The following FAM81A variants were observed in gnomAD, a reference collection of about 807,000 sequenced individuals.
The protein encoded by FAM81A is protein FAM81A.
A neutral mutation model predicts 46.7 loss-of-function variants in FAM81A; 19 were observed. That is an observed-to-expected ratio of 0.41 (90% confidence interval 0.28 to 0.60). FAM81A has a LOEUF of 0.60. Among genes scored for constraint, FAM81A ranks in the 20% least tolerant of loss-of-function variants. The pLI is 0.34. For synonymous variants in FAM81A, 183 were observed against 152.9 expected (o/e 1.20, Z -1.45); for missense variants, 377 against 453.5 (o/e 0.83, Z 1.53).
intron 3 of FAM81A, among the ~76,000 whole-genome samples, chr15:59,487,420 G>C (rs2081931059): frequency 6.6e-6 from 1 of 151,182 alleles, no homozygotes; most frequent in Non-Finnish European, 1.5e-5. Context: ...ATGAAGATCA[G>C]AGCAGACATA....
At chr15:59,476,630 A>T (rs1215321594) in intron 3 of FAM81A, among the ~76,000 whole-genome samples, 1 of 151,722 alleles carries the variant, frequency 6.6e-6, no homozygotes, top group Non-Finnish European at 1.5e-5. Flanking sequence ...TCCTAAAAAT[A>T]TATATAAAAA....
Position 59,508,977 on chromosome 15 carries a change from A to G in FAM81A, c.650+8A>G, listed in dbSNP as rs976992123. The G allele has an allele frequency of 1.9e-6, 3 of 1,596,150 alleles. No homozygotes were observed. Among genetic ancestry groups the G allele is most frequent in the Admixed American group, 1.8e-5 (1 of 56,348 alleles). On this transcript the variant is annotated splice_region_variant and intron_variant, in intron 6 of 8. Transcript: ENST00000288228. ...TCAGCTTTTGGACACTAAGTAAGCA[A>G]TCAATTTATTAAAAAAATAAAACTT...
chr15:59,482,907 A>C (rs894132366), intron 3 of FAM81A, among the ~76,000 whole-genome samples: 1 of 152,012 alleles, frequency 6.6e-6, no homozygotes, highest in East Asian at 1.9e-4. Context: ...GAATGTATTC[A>C]TATGACTCAC....
At chr15:59,422,579 C>A (rs2081178804) in intron 2 of FAM81A, among the ~76,000 whole-genome samples, 2 of 152,036 alleles carry the variant, frequency 1.3e-5, no homozygotes, top group African/African-American at 2.4e-5. Context: ...CGGGTTCATG[C>A]CATTCTCCTG....
At chr15:59,435,970 G>A (rs2081241263), upstream of FAM81A, among the ~76,000 whole-genome samples, 1 of 152,116 alleles carries the variant, frequency 6.6e-6, no homozygotes, top group Non-Finnish European at 1.5e-5. Context: ...TGTCCCCTTG[G>A]GATTCAAAAC....
chr15:59,443,543 T>C (rs1303357015), intron 1 of FAM81A, among the ~76,000 whole-genome samples: 4 of 152,194 alleles, frequency 2.6e-5, no homozygotes, highest in Admixed American at 6.5e-5. Flanking sequence ...AGGTCAGTTA[T>C]GTAGTAGAAT....
At position 59,454,994 on chromosome 15, in the gene FAM81A, C is replaced by T. The variant is rs139722826; in HGVS notation, c.-77-3556C>T. ...TTTTGCCATGTTGCCCAGGCTGGTCCCAAACTCCTGGGCTCACCTTAGCCT... is the reference window on the plus strand; with the variant it reads ...TTTTGCCATGTTGCCCAGGCTGGTCTCAAACTCCTGGGCTCACCTTAGCCT... On this transcript the variant is annotated intron_variant, in intron 1 of 8. Transcript: ENST00000288228. Among the ~76,000 whole-genome samples, 1,336 of 150,268 alleles carry T rather than the reference C, an allele frequency of 8.9e-3. 9 individuals are homozygous for T. The highest frequency in any genetic ancestry group is 0.025 in the Middle Eastern group (7 of 284).
At chr15:59,504,056 G>A (rs1176338387) in intron 4 of FAM81A, among the ~76,000 whole-genome samples, 1 of 152,178 alleles carries the variant, frequency 6.6e-6, no homozygotes, top group Non-Finnish European at 1.5e-5. Flanking sequence ...CTGGTCTGAT[G>A]TAGTGATACC....
chr15:59,498,127 G>C (rs1287803001), intron 4 of FAM81A, among the ~76,000 whole-genome samples: 1 of 152,214 alleles, frequency 6.6e-6, no homozygotes, highest in Non-Finnish European at 1.5e-5. Flanking sequence ...TGGGATTACA[G>C]GTGTTAGTCA....
upstream of FAM81A, among the ~76,000 whole-genome samples, chr15:59,434,206 G>A (rs532907576): frequency 3.9e-5 from 6 of 152,270 alleles, no homozygotes; most frequent in African/African-American, 1.4e-4. Context: ...TGAAAGGAAT[G>A]GTAGAATTTA....
At chr15:59,516,218 C>G (rs1357824453) in intron 7 of FAM81A, among the ~76,000 whole-genome samples, 11 of 151,742 alleles carry the variant, frequency 7.2e-5, no homozygotes, top group Non-Finnish European at 1.3e-4. Context: ...CCTCGCCTCC[C>G]CTGTTCAAGT....
intron 6 of FAM81A, among the ~76,000 whole-genome samples, chr15:59,511,274 TA>T (rs2082205282): frequency 6.6e-6 from 1 of 152,166 alleles, no homozygotes; most frequent in African/African-American, 2.4e-5. Flanking sequence ...TGACAACATC[TA>T]AATGAGGAGG....
intron 3 of FAM81A, among the ~76,000 whole-genome samples, chr15:59,471,369 C>T (rs979978828): frequency 2.6e-5 from 4 of 152,158 alleles, no homozygotes; most frequent in Admixed American, 6.5e-5. Context: ...TAGAAAGTCT[C>T]TCTGTGTCTC....
At chr15:59,495,689 A>G (rs376281533) in intron 4 of FAM81A, among the ~76,000 whole-genome samples, 10 of 152,138 alleles carry the variant, frequency 6.6e-5, no homozygotes, top group African/African-American at 1.9e-4. Context: ...GTTGTTTTCT[A>G]TCTTTTCGAT....
At chr15:59,498,988 A>G (rs2082062967) in intron 4 of FAM81A, among the ~76,000 whole-genome samples, 1 of 151,972 alleles carries the variant, frequency 6.6e-6, no homozygotes, top group African/African-American at 2.4e-5. Flanking sequence ...ATTTTTTTGT[A>G]TATGCTCTTT....
At chr15:59,442,791 CTG>C (rs1294661071) in intron 1 of FAM81A, among the ~76,000 whole-genome samples, 19 of 152,244 alleles carry the variant, frequency 1.2e-4, no homozygotes, top group Admixed American at 7.9e-4. Flanking sequence ...GTCTGTGTAT[CTG>C]TGTGTTTATT....
intron 3 of FAM81A, among the ~76,000 whole-genome samples, chr15:59,476,578 G>T (rs1206241376): frequency 6.6e-6 from 1 of 152,154 alleles, no homozygotes; most frequent in Non-Finnish European, 1.5e-5. Flanking sequence ...TTGAGGTCAG[G>T]AGTTCGAGAC....
In FAM81A at chr15:59,415,083, T is replaced by C. The variant is rs572325974; in HGVS notation, c.-78+12725T>C. ...TGCCTGCCTCGGCCTCCCAAAGTGC[T>C]GGGATTACAGGCGTGAGCCACCGTG... is the stretch of plus-strand genomic sequence containing the variant. On this transcript the variant is annotated intron_variant, in intron 2 of 4. Coordinates refer to the FAM81A transcript ENST00000558348. 1.8e-3 allele frequency among the ~76,000 whole-genome samples: 280 copies of C among 151,886 alleles called. 6 individuals carry two copies. Among genetic ancestry groups the C allele is most frequent in the Non-Finnish European group, 5.7e-4 (39 of 67,972 alleles).
At chr15:59,464,121 A>G (rs535462984) in intron 3 of FAM81A, among the ~76,000 whole-genome samples, 2 of 152,270 alleles carry the variant, frequency 1.3e-5, no homozygotes, top group South Asian at 2.1e-4. Context: ...CTGCTGTTCT[A>G]TCCGTGTTGT....
Sources: allele counts gnomAD v4.1 joint callset (sites outside exome capture counted in the v4.1 genomes callset), GRCh38; gene constraint gnomAD v4.1.1; transcripts MANE v1.5; gene names NCBI Gene and HGNC (gene_info 2026-07-23, HGNC 2026-07-21).